NEK7: variants seen among roughly 807,000 people sequenced by gnomAD.
The protein encoded by NEK7 is serine/threonine-protein kinase Nek7.
In NEK7, 18 loss-of-function variants were observed where a neutral mutation model predicts 44.6. The ratio of observed to expected loss-of-function variants is 0.40; its 90% CI spans 0.28 to 0.60. NEK7 has a LOEUF of 0.60. Among genes scored for constraint, NEK7 ranks in the 20% least tolerant of loss-of-function variants. The pLI is 0.38. For synonymous variants in NEK7, 130 were observed against 121.1 expected (o/e 1.07, Z -0.48); for missense variants, 256 against 366.5 (o/e 0.70, Z 2.46).
intron 2 of NEK7, among the ~76,000 whole-genome samples, chr1:198,236,781 T>C (rs944645325): frequency 5.3e-5 from 8 of 152,178 alleles, no homozygotes; most frequent in African/African-American, 1.9e-4. Context: ...CGTGCTACTA[T>C]GCTATTACTT....
chr1:198,161,536 T>G (rs893476980), intron 1 of NEK7, among the ~76,000 whole-genome samples: 3 of 152,178 alleles, frequency 2.0e-5, no homozygotes. Context: ...CACAACAGCG[T>G]TTTATAATTA....
intron 3 of NEK7, among the ~76,000 whole-genome samples, 176 bp from the exon 4 acceptor site, chr1:198,262,399 T>C (rs1404723510): frequency 6.6e-6 from 1 of 151,836 alleles, no homozygotes; most frequent in Non-Finnish European, 1.5e-5. Flanking sequence ...CTGCTGAAAA[T>C]GTAAGCAATG....
Position 198,262,628 on chromosome 1 carries a change from T to A in NEK7, c.252T>A (p.Asp84Glu). ...KARADCIKEI[D>E]LLKQLNHPNV... Reference sequence around the variant, plus strand: ...GTGCTGATTGCATCAAAGAAATAGATCTTCTTAAGGTAATTAATGAACTGT... The same window carrying A: ...GTGCTGATTGCATCAAAGAAATAGAACTTCTTAAGGTAATTAATGAACTGT... Residue 84 changes from aspartate (D) to glutamate (E), a missense_variant, in exon 4 of 10, where the codon GAT becomes GAA. By Grantham distance (45) the Asp-to-Glu change is conservative (BLOSUM62 2). Transcript: ENST00000367385. The A allele has an allele frequency of 1.3e-6, 2 of 1,583,612 alleles. No homozygotes were observed. Among genetic ancestry groups the A allele is most frequent in the Non-Finnish European group, 1.7e-6 (2 of 1,157,322 alleles).
At chr1:198,190,003 A>G (rs1665029022) in intron 1 of NEK7, among the ~76,000 whole-genome samples, 2 of 152,168 alleles carry the variant, frequency 1.3e-5, no homozygotes, top group South Asian at 2.1e-4. Flanking sequence ...TAAGAATGCA[A>G]CATCTTGAAT....
At chr1:198,315,469 A>G (rs952653226) in intron 9 of NEK7, among the ~76,000 whole-genome samples, 5 of 152,096 alleles carry the variant, frequency 3.3e-5, no homozygotes, top group Admixed American at 2.0e-4. Flanking sequence ...CTCCCCATCT[A>G]TGGTGGGCCT....
intron 9 of NEK7, among the ~76,000 whole-genome samples, chr1:198,310,644 T>G (rs1194649159): frequency 1.3e-5 from 2 of 152,050 alleles, no homozygotes; most frequent in African/African-American, 4.8e-5. Flanking sequence ...GGGATCCAGT[T>G]TCAGCTTTCT....
intron 2 of NEK7, among the ~76,000 whole-genome samples, chr1:198,248,256 T>C (rs10494767): frequency 0.044 from 6,773 of 152,250 alleles, 556 homozygotes; most frequent in African/African-American, 0.16. Flanking sequence ...CCATCAGGAA[T>C]GTAAAAGGTG....
chr1:198,161,535 G>A (rs1664106703), intron 1 of NEK7, among the ~76,000 whole-genome samples: 1 of 152,246 alleles, frequency 6.6e-6, no homozygotes, highest in South Asian at 2.1e-4. Context: ...CCACAACAGC[G>A]TTTTATAATT....
chr1:198,234,012 CT>C (rs1170045570), intron 2 of NEK7, among the ~76,000 whole-genome samples: 5 of 129,526 alleles, frequency 3.9e-5, no homozygotes, highest in African/African-American at 6.2e-5. Context: ...CATCTCTCTT[CT>C]GGTATTCTGA....
intron 1 of NEK7, among the ~76,000 whole-genome samples, chr1:198,169,357 A>C (rs145552205): frequency 6.6e-6 from 1 of 152,272 alleles, no homozygotes; most frequent in African/African-American, 2.4e-5. Flanking sequence ...TTTCTTTTTG[A>C]GTCTGGAGGA....
At chr1:198,180,551 A>G (rs1450717795) in intron 1 of NEK7, among the ~76,000 whole-genome samples, 2 of 151,996 alleles carry the variant, frequency 1.3e-5, no homozygotes, top group African/African-American at 4.8e-5. Context: ...TAGAATTCAT[A>G]ATTTTTGTTG....
intron 3 of NEK7, among the ~76,000 whole-genome samples, chr1:198,260,292 A>G (rs751372913): frequency 4.0e-5 from 6 of 151,858 alleles, no homozygotes; most frequent in Non-Finnish European, 8.8e-5. Flanking sequence ...ATTGGTGTCC[A>G]TTTATATCTA....
intron 9 of NEK7, among the ~76,000 whole-genome samples, chr1:198,314,692 G>A (rs1011923361): frequency 5.3e-5 from 8 of 152,120 alleles, no homozygotes; most frequent in South Asian, 2.1e-4. Context: ...GTACCCGGCC[G>A]TGTGAGGTGT....
chr1:198,266,658 CA>C (rs1157427597), intron 5 of NEK7, among the ~76,000 whole-genome samples: 1 of 151,854 alleles, frequency 6.6e-6, no homozygotes, highest in Non-Finnish European at 1.5e-5. Context: ...GTTTCTACAT[CA>C]ATAAAATTGG....
In NEK7 at chr1:198,319,484, G is replaced by A. The variant is rs754797321; in HGVS notation, c.871G>A (p.Val291Ile). 1.9e-5 allele frequency: 31 copies of A among 1,612,814 alleles called. No homozygotes were observed. The highest frequency in any genetic ancestry group is 1.2e-4 in the Admixed American group (7 of 59,892). The stretch of plus-strand genomic sequence containing the variant: ...ACCAGACGTCACCTATGTTTATGAC[G>A]TAGCAAAGAGGATGCATGCATGCAC... Reference protein sequence around the residue: ...KRPDVTYVYDVAKRMHACTAS... With the variant: ...KRPDVTYVYDIAKRMHACTAS... Residue 291 changes from valine to isoleucine, a missense_variant, in exon 10 of 10, where the codon GTA (valine) becomes ATA (isoleucine). Around this residue, in one of 3 missense-constraint regions of NEK7, gnomAD observed 58 missense variants for 66.5 expected, o/e 0.87. Transcript: ENST00000367385.
chr1:198,165,178 A>G (rs945831980), intron 1 of NEK7, among the ~76,000 whole-genome samples: 5 of 152,194 alleles, frequency 3.3e-5, no homozygotes. Context: ...TGACTCCCTC[A>G]AAGTCGTCCA....
chr1:198,309,467 T>A (rs964323483), intron 9 of NEK7, among the ~76,000 whole-genome samples: 1 of 152,108 alleles, frequency 6.6e-6, no homozygotes, highest in Non-Finnish European at 1.5e-5. Flanking sequence ...ATTATTATAC[T>A]TTAAGTTTTA....
chr1:198,199,409 A>G (rs1665350710), intron 1 of NEK7, among the ~76,000 whole-genome samples: 1 of 152,200 alleles, frequency 6.6e-6, no homozygotes, highest in Non-Finnish European at 1.5e-5. Flanking sequence ...GGTGATCTGC[A>G]CAGCACACCA....
chr1:198,197,836 G>T, intron 1 of NEK7: 1 of 822,954 alleles, frequency 1.2e-6, no homozygotes, highest in Admixed American at 1.8e-5. Context: ...CGTGGTGCTT[G>T]TGCATCTTTT....
Sources: allele counts gnomAD v4.1 joint callset (sites outside exome capture counted in the v4.1 genomes callset), GRCh38; gene constraint gnomAD v4.1.1; regional missense constraint gnomAD v4.1.1; transcripts MANE v1.5; gene names NCBI Gene and HGNC (gene_info 2026-07-23, HGNC 2026-07-21).